BLMH: variants seen among roughly 807,000 people sequenced by gnomAD.
The protein encoded by BLMH is bleomycin hydrolase.
BLMH carries 32 observed loss-of-function variants against 61.6 expected under a neutral mutation model. The observed-to-expected ratio is 0.52, with a 90% CI of 0.39 to 0.70. BLMH has a LOEUF of 0.70. BLMH is among the 30% of genes least tolerant of loss of function. The pLI, the probability that BLMH is intolerant of heterozygous loss-of-function variation, is 0.00. For synonymous variants in BLMH, 183 were observed against 193.8 expected (o/e 0.94, Z 0.46); for missense variants, 460 against 555.5 (o/e 0.83, Z 1.73).
chr17:30,262,960 T>C (rs1443479137), intron 11 of BLMH, among the ~76,000 whole-genome samples: 2 of 152,278 alleles, frequency 1.3e-5, no homozygotes, highest in Admixed American at 6.5e-5. Context: ...CAATCTCCAC[T>C]CTTTACTCAG....
chr17:30,272,321 G>A, intron 9 of BLMH: 1 of 535,012 alleles, frequency 1.9e-6, no homozygotes, highest in Admixed American at 3.3e-5. Flanking sequence ...GGCTTTTTAG[G>A]AACGCCCAAC....
intron 11 of BLMH, among the ~76,000 whole-genome samples, chr17:30,257,590 T>C (rs1246674123): frequency 6.6e-6 from 1 of 152,212 alleles, no homozygotes; most frequent in Admixed American, 6.5e-5. Flanking sequence ...TGTAATTTCA[T>C]TATCTATTAA....
chr17:30,270,219 G>A (rs1597661768), intron 10 of BLMH, among the ~76,000 whole-genome samples: 1 of 152,156 alleles, frequency 6.6e-6, no homozygotes, highest in Admixed American at 6.6e-5. Context: ...CCATTTTCTA[G>A]CTGGGTGCGG....
At position 30,291,489 on chromosome 17, in the gene BLMH, T is replaced by C. The variant is rs1210135331; in HGVS notation, c.33A>G (p.Val11=). The change falls in exon 2 of 12, where the codon GTA becomes GTG. Residue 11 remains valine (V), a synonymous_variant. Coordinates refer to ENST00000261714, the MANE Select transcript of BLMH (RefSeq NM_000386.4). MSSSGLNSEK[V]AALIQKLNSD... The stretch of plus-strand genomic sequence containing the variant: ...AATTCAGTTTCTGTATCAGAGCAGC[T>C]ACCTTCTCCGAATTCAGTCCTGTTG... The C allele has an allele frequency of 1.2e-6, 2 of 1,614,100 alleles. No individual in the cohort carries two copies. The highest frequency in any genetic ancestry group is 1.3e-5 in the African/African-American group (1 of 74,950).
At chr17:30,271,734 G>A (rs1003884469) in intron 9 of BLMH, among the ~76,000 whole-genome samples, 4 of 152,168 alleles carry the variant, frequency 2.6e-5, no homozygotes, top group African/African-American at 9.7e-5. Context: ...GATCTCTTTT[G>A]AGCTGGTGGA....
At chr17:30,250,944 T>C (rs1907653124) in intron 11 of BLMH, among the ~76,000 whole-genome samples, 1 of 152,242 alleles carries the variant, frequency 6.6e-6, no homozygotes, top group African/African-American at 2.4e-5. Context: ...GCAACTTCGA[T>C]GGAGCTGGAG....
At chr17:30,277,540 C>A (rs1414973447) in intron 6 of BLMH, among the ~76,000 whole-genome samples, 2 of 152,190 alleles carry the variant, frequency 1.3e-5, no homozygotes, top group African/African-American at 4.8e-5. Flanking sequence ...AGTAGTGGAA[C>A]CATTTCAATC....
chr17:30,263,550 C>T (rs1908020009), intron 11 of BLMH, among the ~76,000 whole-genome samples: 1 of 152,202 alleles, frequency 6.6e-6, no homozygotes, highest in African/African-American at 2.4e-5. Context: ...ATTTTCAGTA[C>T]AACTGACTAT....
At chr17:30,252,432 C>T (rs1907692654) in intron 11 of BLMH, among the ~76,000 whole-genome samples, 1 of 149,426 alleles carries the variant, frequency 6.7e-6, no homozygotes, top group African/African-American at 2.5e-5. Flanking sequence ...TGCAGTGGCT[C>T]ACACCTATAA....
At chr17:30,264,922 T>C (rs1908058815) in intron 11 of BLMH, among the ~76,000 whole-genome samples, 1 of 152,234 alleles carries the variant, frequency 6.6e-6, no homozygotes. Context: ...TTTACTCTGC[T>C]AACTTTGCTG....
At chr17:30,271,475 T>C (rs1908270178) in intron 9 of BLMH, 87 bp from the exon 10 acceptor site, 1 of 965,016 alleles carries the variant, frequency 1.0e-6, no homozygotes. Context: ...CAGAAGAAAC[T>C]GAAGGGGCTC....
intron 10 of BLMH, among the ~76,000 whole-genome samples, chr17:30,267,809 G>C (rs775672951): frequency 1.3e-5 from 2 of 152,144 alleles, no homozygotes; most frequent in Non-Finnish European, 2.9e-5. Flanking sequence ...TTAAATCTTT[G>C]TAGCATGAGA....
At chr17:30,283,770 T>C (rs1908655459) in intron 6 of BLMH, among the ~76,000 whole-genome samples, 1 of 152,114 alleles carries the variant, frequency 6.6e-6, no homozygotes, top group African/African-American at 2.4e-5. Flanking sequence ...TCCGCCCACC[T>C]TGGCCTCCCA....
In BLMH at chr17:30,266,528, AAAAAAAAAAAG is replaced by A. The variant is rs370367470; in HGVS notation, c.1216+346_1216+356del. Among the ~76,000 whole-genome samples, 805 of 151,314 alleles carry A rather than the reference AAAAAAAAAAAG, an allele frequency of 5.3e-3. 7 individuals carry two copies. Among genetic ancestry groups the A allele is most frequent in the African/African-American group, 0.016 (668 of 41,142 alleles). On this transcript the variant is annotated intron_variant, in intron 11 of 11. Transcript: ENST00000261714. ...CGACAGAGCAAGACTCTGTCCAAAA[AAAAAAAAAAAG>A]AAAAAAAAAAGAAAAAGAAAATGCA...
intron 6 of BLMH, among the ~76,000 whole-genome samples, chr17:30,274,855 TGTA>T (rs1279948759): frequency 6.6e-6 from 1 of 151,998 alleles, no homozygotes; most frequent in Non-Finnish European, 1.5e-5. Context: ...GGCTCATGCC[TGTA>T]GTCCCAGGTG....
In BLMH at chr17:30,289,430, T is replaced by C. The variant is rs1908823872; in HGVS notation, c.264A>G (p.Lys88=). Residue 88 remains lysine (K), a synonymous_variant, in exon 3 of 12, where the codon AAA becomes AAG. Transcript: ENST00000261714. ...ACTCAAATTCTTCAATATTTAACTT[T>C]TTCATGAATGGAAGCCTCATAACAT... ...CLNVMRLPFM[K]KLNIEEFEFS... is the part of the protein sequence containing the mutation. 1.2e-6 allele frequency: 2 copies of C among 1,612,858 alleles called. No homozygotes were observed. Among genetic ancestry groups the C allele is most frequent in the Non-Finnish European group, 1.7e-6 (2 of 1,179,336 alleles).
chr17:30,275,169 A>G (rs1908383953), intron 6 of BLMH, among the ~76,000 whole-genome samples: 1 of 151,912 alleles, frequency 6.6e-6, no homozygotes, highest in African/African-American at 2.4e-5. Flanking sequence ...GTGAGTTGAG[A>G]TCACACCACT....
intron 2 of BLMH, among the ~76,000 whole-genome samples, chr17:30,289,981 T>C (rs1280213952): frequency 6.6e-6 from 1 of 151,966 alleles, no homozygotes; most frequent in African/African-American, 2.4e-5. Context: ...TTAAACACTA[T>C]TAAACACACA....
chr17:30,271,453 G>T, intron 9 of BLMH, 65 bp from the exon 10 acceptor site: 1 of 1,305,916 alleles, frequency 7.7e-7, no homozygotes, highest in Non-Finnish European at 1.1e-6. Context: ...GCTTTTGGTT[G>T]TAAAAGGAAT....
Sources: gnomAD v4.1 joint callset for allele counts (sites outside exome capture counted in the v4.1 genomes callset) on GRCh38, gnomAD v4.1.1 for gene constraint, MANE v1.5 for transcripts, NCBI Gene and HGNC (gene_info 2026-07-23, HGNC 2026-07-21) for gene names.